The following RAB38 variants were observed in gnomAD, a reference collection of about 807,000 sequenced individuals.
The protein encoded by RAB38 is ras-related protein Rab-38.
In RAB38, 15 loss-of-function variants were observed where a neutral mutation model predicts 18.4. That is an observed-to-expected ratio of 0.82 (90% CI 0.55 to 1.26). The LOEUF (loss-of-function observed/expected upper bound fraction) is 1.26, where lower values mean the gene tolerates loss of function less well. RAB38 is among the 50% of genes most tolerant of loss of function. The probability of loss-of-function intolerance (pLI) is 0.00; values close to 1 mark genes in which losing one functional copy is unlikely to be tolerated. For missense variants in RAB38, 294 were observed against 267.4 expected (o/e 1.10, Z -0.69); for synonymous variants, 101 against 104.4 (o/e 0.97, Z 0.20).
chr11:88,114,925 C>A (rs1366551462), intron 2 of RAB38, among the ~76,000 whole-genome samples: 2 of 152,118 alleles, frequency 1.3e-5, no homozygotes. Flanking sequence ...TAAACCCTGG[C>A]ATTATCTAGA....
At chr11:88,116,150 G>T (rs1363999423) in intron 2 of RAB38, among the ~76,000 whole-genome samples, 1 of 152,160 alleles carries the variant, frequency 6.6e-6, no homozygotes, top group Non-Finnish European at 1.5e-5. Context: ...ACTGACCTAG[G>T]CAGGGCCTTG....
At chr11:88,029,583 G>C in the RAB38 span, among the ~76,000 whole-genome samples, 2 of 152,126 alleles carry the variant, frequency 1.3e-5, no homozygotes, top group African/African-American at 4.8e-5. Flanking sequence ...TGCAGTCCTA[G>C]TCTCTGATAA....
At chr11:87,809,606 C>T in the RAB38 span, among the ~76,000 whole-genome samples, 1 of 152,108 alleles carries the variant, frequency 6.6e-6, no homozygotes, top group African/African-American at 2.4e-5. Flanking sequence ...GGCAATCTTT[C>T]CATTTCCTGA....
At chr11:88,038,723 C>G in the RAB38 span, among the ~76,000 whole-genome samples, 1 of 152,144 alleles carries the variant, frequency 6.6e-6, no homozygotes, top group Non-Finnish European at 1.5e-5. Context: ...TATATATCTG[C>G]AAAATCTGTA....
chr11:88,155,274 T>C (rs999738954), intron 1 of RAB38, among the ~76,000 whole-genome samples: 1 of 152,156 alleles, frequency 6.6e-6, no homozygotes, highest in African/African-American at 2.4e-5. Flanking sequence ...AATCAGCCCA[T>C]TGCCTGAGGC....
intron 2 of RAB38, among the ~76,000 whole-genome samples, chr11:88,116,282 T>A (rs1384506689): frequency 6.6e-6 from 1 of 152,176 alleles, no homozygotes; most frequent in African/African-American, 2.4e-5. Context: ...AAAAGGGGTC[T>A]CCTCGCCCAG....
Position 88,142,565 on chromosome 11 carries a change from G to A in RAB38, c.483+7110C>T, listed in dbSNP as rs141064766. 1.7e-3 allele frequency among the ~76,000 whole-genome samples: 252 copies of A among 152,300 alleles called. 3 individuals are homozygous for A. The highest frequency in any genetic ancestry group is 5.6e-3 in the African/African-American group (233 of 41,558). On this transcript the variant is annotated intron_variant, in intron 2 of 2. Coordinates refer to ENST00000243662, the MANE Select transcript of RAB38 (RefSeq NM_022337.3). ...GAGTCAGGCAATTCCTGAAGAAAGG[G>A]TTAATACTTAGCCAGAGCAAGAATT...
At chr11:88,151,354 C>A (rs551753539) in intron 1 of RAB38, among the ~76,000 whole-genome samples, 712 of 152,038 alleles carry the variant, frequency 4.7e-3, no homozygotes, top group Non-Finnish European at 7.9e-3. Flanking sequence ...GAGTTTGTGA[C>A]AAAAAAATTA....
At chr11:88,052,261 A>C in the RAB38 span, among the ~76,000 whole-genome samples, 679 of 152,348 alleles carry the variant, frequency 4.5e-3, 2 homozygotes, top group African/African-American at 0.016. Context: ...AATAACAGAA[A>C]AAAAAGAGAT....
chr11:87,823,346 T>C, the RAB38 span, among the ~76,000 whole-genome samples: 1 of 151,888 alleles, frequency 6.6e-6, no homozygotes, highest in African/African-American at 2.4e-5. Context: ...CTCCCCAAAT[T>C]CAGCTATAGA....
chr11:87,956,373 C>T, the RAB38 span, among the ~76,000 whole-genome samples: 2 of 152,112 alleles, frequency 1.3e-5, no homozygotes, highest in Non-Finnish European at 2.9e-5. Flanking sequence ...ATCCTTTAGT[C>T]ATCTGCATTG....
the RAB38 span, among the ~76,000 whole-genome samples, chr11:87,961,988 A>G: frequency 6.6e-6 from 1 of 152,176 alleles, no homozygotes; most frequent in Non-Finnish European, 1.5e-5. Flanking sequence ...CATATTGGTC[A>G]TGGTTTGATC....
At chr11:87,874,595 A>G in the RAB38 span, among the ~76,000 whole-genome samples, 2 of 151,254 alleles carry the variant, frequency 1.3e-5, no homozygotes, top group Middle Eastern at 3.2e-3. Context: ...ATATGTATAC[A>G]TATGTAACAA....
At chr11:88,101,722 T>C in the RAB38 span, among the ~76,000 whole-genome samples, 1 of 151,726 alleles carries the variant, frequency 6.6e-6, no homozygotes, top group Non-Finnish European at 1.5e-5. Context: ...TGTTTTTGAT[T>C]TTCATGACCA....
the RAB38 span, among the ~76,000 whole-genome samples, chr11:87,851,961 A>T: frequency 1.2e-4 from 18 of 152,316 alleles, no homozygotes; most frequent in South Asian, 3.7e-3. Context: ...TTCATAAGGA[A>T]ATGAAGACCT....
intron 2 of RAB38, among the ~76,000 whole-genome samples, chr11:88,142,950 A>G (rs1273640590): frequency 6.6e-6 from 1 of 152,170 alleles, no homozygotes; most frequent in Non-Finnish European, 1.5e-5. Context: ...TTAGACTTTA[A>G]ACTCCTAGAG....
At chr11:88,042,752 G>A in the RAB38 span, among the ~76,000 whole-genome samples, 4 of 152,092 alleles carry the variant, frequency 2.6e-5, no homozygotes, top group Admixed American at 6.5e-5. Flanking sequence ...AGCTTTGCCT[G>A]GAATGAACCA....
chr11:87,909,307 T>C, the RAB38 span, among the ~76,000 whole-genome samples: 1 of 140,010 alleles, frequency 7.1e-6, no homozygotes, highest in African/African-American at 2.5e-5. Flanking sequence ...CGTGGTTATA[T>C]GCCCTTCCTA....
chr11:87,969,559 T>C, the RAB38 span, among the ~76,000 whole-genome samples: 1 of 152,124 alleles, frequency 6.6e-6, no homozygotes, highest in Non-Finnish European at 1.5e-5. Flanking sequence ...ACTACTATTA[T>C]TCAATTATCA....
Sources: allele counts gnomAD v4.1 joint callset (sites outside exome capture counted in the v4.1 genomes callset), GRCh38; gene constraint gnomAD v4.1.1; transcripts MANE v1.5; gene names NCBI Gene and HGNC (gene_info 2026-07-23, HGNC 2026-07-21).